Variants in SMYD3 observed in about 807,000 individuals in gnomAD.
The protein encoded by SMYD3 is SET and MYND domain containing 3, also known as histone-lysine N-methyltransferase SMYD3.
SMYD3 carries 36 observed loss-of-function variants against 57.7 expected under a neutral mutation model. The observed-to-expected ratio is 0.62, with a 90% confidence interval of 0.48 to 0.82. The LOEUF (loss-of-function observed/expected upper bound fraction) is 0.82, where lower values mean the gene tolerates loss of function less well. Ranked by LOEUF, SMYD3 falls within the 40% of genes least tolerant of loss-of-function variation. The pLI is 0.00. For missense variants in SMYD3, 515 were observed against 538.8 expected (o/e 0.96, Z 0.44); for synonymous variants, 211 against 195.0 (o/e 1.08, Z -0.68).
chr1:245,752,331 G>C (rs1171212840), intron 11 of SMYD3, among the ~76,000 whole-genome samples: 1 of 152,178 alleles, frequency 6.6e-6, no homozygotes, highest in Non-Finnish European at 1.5e-5. Flanking sequence ...CCCTCACAGA[G>C]GCCCTCGGCT....
Position 246,203,935 on chromosome 1 carries a change from A to G in SMYD3, c.531+123266T>C, listed in dbSNP as rs1451001989. Among the ~76,000 whole-genome samples, 2 of 152,134 alleles carry G rather than the reference A, an allele frequency of 1.3e-5. No individual in the cohort carries two copies. The highest frequency in any genetic ancestry group is 1.9e-4 in the East Asian group (1 of 5,186). On this transcript the variant is annotated intron_variant, in intron 5 of 11. Coordinates refer to ENST00000490107, the MANE Select transcript of SMYD3 (RefSeq NM_001167740.2). The surrounding 1 kb of genome is among the most constrained non-coding windows in gnomAD (Gnocchi z 4.6). Reference sequence around the variant, plus strand: ...AGATGTGAAAATACCCTAAACTAGAAGTCTCAAACTCAAATATAGAGGAGC... The same window carrying G: ...AGATGTGAAAATACCCTAAACTAGAGGTCTCAAACTCAAATATAGAGGAGC...
chr1:246,219,644 A>G (rs2063219463), intron 5 of SMYD3, among the ~76,000 whole-genome samples: 1 of 152,162 alleles, frequency 6.6e-6, no homozygotes, highest in Admixed American at 6.5e-5. Flanking sequence ...CAGAGGGCCC[A>G]TTGAGCTGTT....
chr1:246,197,110 T>C (rs920585868), intron 5 of SMYD3, among the ~76,000 whole-genome samples: 4 of 152,156 alleles, frequency 2.6e-5, no homozygotes, highest in African/African-American at 4.8e-5. Flanking sequence ...TAAAGTAGTA[T>C]TGGATTATAA....
intron 5 of SMYD3, among the ~76,000 whole-genome samples, chr1:245,947,673 G>A (rs2057469452): frequency 1.3e-5 from 2 of 152,208 alleles, no homozygotes; most frequent in South Asian, 4.1e-4. Flanking sequence ...ATGACTCAGG[G>A]CATATAGGAA....
At chr1:246,222,913 T>C (rs975205355) in intron 5 of SMYD3, among the ~76,000 whole-genome samples, 2 of 152,184 alleles carry the variant, frequency 1.3e-5, no homozygotes, top group African/African-American at 2.4e-5. Flanking sequence ...ATATTGTAAT[T>C]TCACATCTAA....
At chr1:246,242,368 C>G (rs2063628577) in intron 5 of SMYD3, among the ~76,000 whole-genome samples, 1 of 152,154 alleles carries the variant, frequency 6.6e-6, no homozygotes, top group Non-Finnish European at 1.5e-5. Flanking sequence ...CATTCAGGAA[C>G]AGGTTGTTCA....
chr1:246,409,003 T>G (rs2066916136), intron 1 of SMYD3, among the ~76,000 whole-genome samples: 1 of 147,220 alleles, frequency 6.8e-6, no homozygotes, highest in Non-Finnish European at 1.5e-5. Context: ...AAGGTTCATA[T>G]CCTTCACCCA....
intron 5 of SMYD3, among the ~76,000 whole-genome samples, chr1:246,000,821 A>C (rs571746619): frequency 6.6e-6 from 1 of 152,374 alleles, no homozygotes; most frequent in Admixed American, 6.5e-5. Flanking sequence ...GAACGTATCT[A>C]ACAGAACATA....
chr1:246,359,891 G>A (rs2065962571), intron 1 of SMYD3, among the ~76,000 whole-genome samples: 1 of 152,098 alleles, frequency 6.6e-6, no homozygotes, highest in South Asian at 2.1e-4. Flanking sequence ...TTCCCCCTGA[G>A]AAATGAAATC....
intron 10 of SMYD3, among the ~76,000 whole-genome samples, chr1:245,808,694 C>G (rs1425842248): frequency 6.6e-6 from 1 of 151,928 alleles, no homozygotes; most frequent in Non-Finnish European, 1.5e-5. Context: ...TCAGCCTCTT[C>G]TTGGGGATGC....
At chr1:246,432,242 ATT>A (rs1451488104) in intron 1 of SMYD3, among the ~76,000 whole-genome samples, 1 of 152,230 alleles carries the variant, frequency 6.6e-6, no homozygotes, top group Admixed American at 6.5e-5. Flanking sequence ...AATTATATCC[ATT>A]CTTTCATTTT....
chr1:246,490,646 G>A (rs778613666), intron 1 of SMYD3, among the ~76,000 whole-genome samples: 1 of 152,214 alleles, frequency 6.6e-6, no homozygotes. Flanking sequence ...GCCAAGGGGA[G>A]AGGACTGCTT....
chr1:246,212,623 T>C (rs950083675), intron 5 of SMYD3, among the ~76,000 whole-genome samples: 1 of 152,174 alleles, frequency 6.6e-6, no homozygotes, highest in Non-Finnish European at 1.5e-5. Context: ...TCAGTCTCAT[T>C]TGACTTCCTA....
At chr1:245,953,639 T>G (rs1175679800) in intron 5 of SMYD3, among the ~76,000 whole-genome samples, 1 of 152,156 alleles carries the variant, frequency 6.6e-6, no homozygotes, top group Non-Finnish European at 1.5e-5. Flanking sequence ...CAGGCTGATC[T>G]TGAACTCCTG....
chr1:246,087,222 G>C (rs1468798600), intron 5 of SMYD3, among the ~76,000 whole-genome samples: 1 of 152,140 alleles, frequency 6.6e-6, no homozygotes, highest in Non-Finnish European at 1.5e-5. Flanking sequence ...ACAAACCCAT[G>C]AGCCTATTTC....
chr1:246,088,436 C>T (rs557233407), intron 5 of SMYD3, among the ~76,000 whole-genome samples: 50 of 148,304 alleles, frequency 3.4e-4, no homozygotes, highest in Admixed American at 2.7e-4. Flanking sequence ...GGTGAAACCC[C>T]GTCTCTACTA....
At chr1:245,813,005 CTTTTTTTTTTTTTTTTT>C (rs770448717) in intron 10 of SMYD3, among the ~76,000 whole-genome samples, 1 of 75,628 alleles carries the variant, frequency 1.3e-5, no homozygotes, top group East Asian at 5.0e-4. Context: ...GAGACAGCTT[CTTTTTTTTTTTTTTTTT>C]TTTTTTTTTT....
At chr1:246,015,366 T>G (rs1362738749) in intron 5 of SMYD3, among the ~76,000 whole-genome samples, 1 of 152,202 alleles carries the variant, frequency 6.6e-6, no homozygotes, top group East Asian at 1.9e-4. Flanking sequence ...AAAGTTTCCT[T>G]TAAGTTCAGC....
intron 1 of SMYD3, among the ~76,000 whole-genome samples, chr1:246,481,830 C>T (rs768124095): frequency 2.7e-5 from 4 of 150,726 alleles, no homozygotes; most frequent in Admixed American, 6.7e-5. Flanking sequence ...ACTGGTTTCT[C>T]TGGAGAACCT....
Sources: gnomAD v4.1 joint callset for allele counts (sites outside exome capture counted in the v4.1 genomes callset) on GRCh38, gnomAD v4.1.1 for gene constraint, Gnocchi (gnomAD v3.1) non-coding constraint, MANE v1.5 for transcripts, NCBI Gene and HGNC (gene_info 2026-07-23, HGNC 2026-07-21) for gene names.